COL19A1: variants seen among roughly 807,000 people sequenced by gnomAD.
The protein encoded by COL19A1 is collagen type XIX alpha 1 chain.
COL19A1 carries 159 observed loss-of-function variants against 190.2 expected under a neutral mutation model. That is an observed-to-expected ratio of 0.84 (90% CI 0.73 to 0.95). The LOEUF (loss-of-function observed/expected upper bound fraction) is 0.95, where lower values mean the gene tolerates loss of function less well. Among genes scored for constraint, COL19A1 ranks in the 40% least tolerant of loss-of-function variants. COL19A1 has a pLI of 0.00. For synonymous variants in COL19A1, 509 were observed against 458.9 expected (o/e 1.11, Z -1.39); for missense variants, 1,418 against 1,431.9 (o/e 0.99, Z 0.16).
chr6:70,126,480 C>G (rs1785201108), intron 17 of COL19A1, among the ~76,000 whole-genome samples: 1 of 152,190 alleles, frequency 6.6e-6, no homozygotes, highest in Admixed American at 6.5e-5. Context: ...TATGGACTTT[C>G]AGATGTTGGT....
intron 33 of COL19A1, 124 bp downstream of exon 33, chr6:70,156,493 T>TA: frequency 1.0e-6 from 1 of 987,178 alleles, no homozygotes; most frequent in South Asian, 1.6e-5. Context: ...TGTATGTATA[T>TA]GGAGAGAGAG....
chr6:70,103,447 A>G (rs1354106287), intron 16 of COL19A1, among the ~76,000 whole-genome samples: 5 of 152,150 alleles, frequency 3.3e-5, no homozygotes, highest in African/African-American at 1.2e-4. Flanking sequence ...GCTTAAAACT[A>G]TTTGATTTTA....
chr6:69,899,163 TA>T, intron 3 of COL19A1, 141 bp downstream of exon 3: 1 of 583,182 alleles, frequency 1.7e-6, no homozygotes, highest in Non-Finnish European at 3.0e-6. Flanking sequence ...GAATTCTTTT[TA>T]ATTTTTTTTT....
intron 11 of COL19A1, among the ~76,000 whole-genome samples, chr6:69,996,938 G>GTGTA (rs1554186344): frequency 6.8e-4 from 97 of 143,410 alleles, no homozygotes; most frequent in African/African-American, 2.2e-3. Context: ...GTGTGTGTGT[G>GTGTA]TATATATATG....
At chr6:69,895,791 C>T (rs1489625805) in intron 2 of COL19A1, among the ~76,000 whole-genome samples, 1 of 152,136 alleles carries the variant, frequency 6.6e-6, no homozygotes, top group Non-Finnish European at 1.5e-5. Context: ...CTAGTTGTTG[C>T]ATGTATCAAT....
chr6:69,891,020 C>A, intron 2 of COL19A1: 2 of 354,706 alleles, frequency 5.6e-6, no homozygotes, highest in Non-Finnish European at 1.2e-5. Context: ...CAGAAGGGGC[C>A]ATTGTCAGAG....
Position 70,030,772 on chromosome 6 carries a change from C to G in COL19A1, c.1081-3473C>G, listed in dbSNP as rs531726628. Among the ~76,000 whole-genome samples, 203 of 152,278 alleles carry G rather than the reference C, an allele frequency of 1.3e-3. 1 individual carries two copies. The highest frequency in any genetic ancestry group is 4.3e-3 in the African/African-American group (180 of 41,558). On this transcript the variant is annotated intron_variant, in intron 12 of 50. Coordinates refer to ENST00000620364, the MANE Select transcript of COL19A1 (RefSeq NM_001858.6). ...TTACTTAAGTCAAATGCAACTCAGC[C>G]TGGAGACTTTCCTTCTTCTTCTCCA...
chr6:70,122,509 C>T (rs1392370255), intron 17 of COL19A1, among the ~76,000 whole-genome samples: 1 of 152,034 alleles, frequency 6.6e-6, no homozygotes, highest in African/African-American at 2.4e-5. Context: ...CTACAAGGAG[C>T]ATAATAGAGT....
At chr6:69,972,101 C>A (rs988507715) in intron 11 of COL19A1, among the ~76,000 whole-genome samples, 1 of 152,122 alleles carries the variant, frequency 6.6e-6, no homozygotes, top group Non-Finnish European at 1.5e-5. Flanking sequence ...ATGTGCCAGG[C>A]GCTCTCCTGA....
intron 11 of COL19A1, among the ~76,000 whole-genome samples, chr6:69,987,146 G>C (rs1000983760): frequency 1.3e-5 from 2 of 152,094 alleles, no homozygotes; most frequent in African/African-American, 4.8e-5. Flanking sequence ...GTCCACTCAA[G>C]GCCTATGGAT....
intron 3 of COL19A1, among the ~76,000 whole-genome samples, chr6:69,899,839 CTTTA>C (rs1393656052): frequency 1.3e-5 from 2 of 152,202 alleles, no homozygotes; most frequent in African/African-American, 4.8e-5. Context: ...ATACACATTT[CTTTA>C]AAGCATAATT....
rs1787048160 is a variant in COL19A1 at position 70,151,403 on chromosome 6, C to T, written c.2044C>T (p.Leu682Phe). 1 of 1,612,680 alleles carries T rather than the reference C, an allele frequency of 6.2e-7. No individual in the cohort carries two copies. The highest frequency in any genetic ancestry group is 8.5e-7 in the Non-Finnish European group (1 of 1,179,020). ...LPGPPGDPIALPLLGDIGALL... is the reference protein window; with the variant it reads ...LPGPPGDPIAFPLLGDIGALL... ...TTTATCTTCTTAACCACAGATTGCA[C>T]TTCCTCTCTTGGGAGACATCGGTGC... Residue 682 changes from leucine to phenylalanine, a missense_variant, in exon 31 of 51, where the codon CTT becomes TTT. Transcript: ENST00000620364.
At chr6:69,979,704 G>GA (rs1202432879) in intron 11 of COL19A1, among the ~76,000 whole-genome samples, 21 of 151,518 alleles carry the variant, frequency 1.4e-4, no homozygotes, top group Non-Finnish European at 3.0e-5. Context: ...TCTATAGGTA[G>GA]AAAATCTAAG....
chr6:70,200,761 C>T (rs1459287471), intron 49 of COL19A1, among the ~76,000 whole-genome samples: 1 of 152,178 alleles, frequency 6.6e-6, no homozygotes, highest in Admixed American at 6.5e-5. Context: ...GAAAGAGCAA[C>T]ATCTGTTCAG....
chr6:70,061,450 C>T (rs1780823536), intron 14 of COL19A1, among the ~76,000 whole-genome samples: 1 of 151,918 alleles, frequency 6.6e-6, no homozygotes. Flanking sequence ...GTCATGGTAA[C>T]ATCTAGGAGG....
intron 40 of COL19A1, among the ~76,000 whole-genome samples, chr6:70,170,948 C>T (rs896821197): frequency 3.3e-5 from 5 of 152,004 alleles, no homozygotes; most frequent in Non-Finnish European, 1.5e-5. Flanking sequence ...CTAAAGCATC[C>T]GGTGTCCTAA....
intron 41 of COL19A1, 86 bp downstream of exon 41, chr6:70,172,103 GT>G: frequency 8.2e-7 from 1 of 1,222,272 alleles, no homozygotes; most frequent in Non-Finnish European, 1.2e-6. Flanking sequence ...ACTGTTTTAG[GT>G]TAGGGATATA....
At position 70,176,514 on chromosome 6, in the gene COL19A1, C is replaced by T. The variant is rs1765812992; in HGVS notation, c.2623-6C>T. On this transcript the variant is annotated splice_region_variant and splice_polypyrimidine_tract_variant and intron_variant, in intron 41 of 50. Coordinates refer to ENST00000620364, the MANE Select transcript of COL19A1 (RefSeq NM_001858.6). ...TTAAAGTAGCAATGTTTTTAAATCC[C>T]AACAGGGAGATCGAGGCCCAGCAGG... 6.2e-7 allele frequency: 1 copy of T among 1,613,172 alleles called. No homozygotes were observed. The highest frequency in any genetic ancestry group is 8.5e-7 in the Non-Finnish European group (1 of 1,179,590).
At chr6:70,074,232 C>T (rs1393440527) in intron 15 of COL19A1, among the ~76,000 whole-genome samples, 2 of 152,004 alleles carry the variant, frequency 1.3e-5, no homozygotes, top group Non-Finnish European at 2.9e-5. Flanking sequence ...GGCGCGGTGG[C>T]TCATGTCTGT....
Sources: gnomAD v4.1 joint callset for allele counts (sites outside exome capture counted in the v4.1 genomes callset) on GRCh38, gnomAD v4.1.1 for gene constraint, MANE v1.5 for transcripts, NCBI Gene and HGNC (gene_info 2026-07-23, HGNC 2026-07-21) for gene names.